IL5RA: variants seen among roughly 807,000 people sequenced by gnomAD.
IL5RA encodes interleukin 5 receptor subunit alpha.
IL5RA carries 49 observed loss-of-function variants against 50.0 expected under a neutral mutation model. The ratio of observed to expected loss-of-function variants is 0.98; its 90% confidence interval spans 0.78 to 1.24. IL5RA has a LOEUF of 1.24. IL5RA is among the 50% of genes most tolerant of loss of function. IL5RA has a pLI of 0.00. For synonymous variants in IL5RA, 202 were observed against 174.0 expected (o/e 1.16, Z -1.26); for missense variants, 600 against 500.4 (o/e 1.20, Z -1.90).
intron 9 of IL5RA, among the ~76,000 whole-genome samples, chr3:3,091,132 C>G (rs1478406064): frequency 6.6e-6 from 1 of 152,194 alleles, no homozygotes; most frequent in African/African-American, 2.4e-5. Flanking sequence ...TCTTTATACT[C>G]TATATCTGCT....
At chr3:3,085,075 G>GT (rs1702802280) in intron 9 of IL5RA, among the ~76,000 whole-genome samples, 1 of 152,250 alleles carries the variant, frequency 6.6e-6, no homozygotes, top group Non-Finnish European at 1.5e-5. Flanking sequence ...GACCACAGGC[G>GT]TGAGGCAGTC....
chr3:3,088,323 A>T (rs555978344), intron 9 of IL5RA, among the ~76,000 whole-genome samples: 1 of 152,234 alleles, frequency 6.6e-6, no homozygotes, highest in East Asian at 1.9e-4. Flanking sequence ...ACAGGTGAGG[A>T]TGCTAAGCCC....
At chr3:3,097,671 C>G (rs375984077) in intron 7 of IL5RA, among the ~76,000 whole-genome samples, 199 bp downstream of exon 7, 2 of 152,154 alleles carry the variant, frequency 1.3e-5, no homozygotes, top group African/African-American at 4.8e-5. Context: ...CAGCACAGCC[C>G]TCCATAACAC....
At chr3:3,083,562 T>C (rs1250177586) in intron 9 of IL5RA, among the ~76,000 whole-genome samples, 10 of 152,194 alleles carry the variant, frequency 6.6e-5, no homozygotes, top group Admixed American at 5.9e-4. Flanking sequence ...GAATTCCTCA[T>C]GGCAGTTTTC....
At chr3:3,091,423 A>G (rs547366926) in intron 9 of IL5RA, among the ~76,000 whole-genome samples, 45 of 152,160 alleles carry the variant, frequency 3.0e-4, no homozygotes, top group Non-Finnish European at 6.3e-4. Context: ...CATAGAACCA[A>G]ACAGACACAT....
intron 9 of IL5RA, among the ~76,000 whole-genome samples, chr3:3,091,197 G>A (rs746650988): frequency 7.2e-5 from 11 of 152,168 alleles, no homozygotes; most frequent in Non-Finnish European, 1.2e-4. Context: ...AGATTACACA[G>A]TTTTGGAATC....
chr3:3,094,786 C>A (rs1354637884), intron 8 of IL5RA, among the ~76,000 whole-genome samples: 8 of 151,984 alleles, frequency 5.3e-5, no homozygotes, highest in African/African-American at 1.9e-4. Flanking sequence ...GCAGTGGCGC[C>A]ATCTCAGCTT....
At chr3:3,073,125 A>G (rs561288031) in intron 11 of IL5RA, among the ~76,000 whole-genome samples, 1 of 152,338 alleles carries the variant, frequency 6.6e-6, no homozygotes, top group East Asian at 1.9e-4. Flanking sequence ...GCCAGCCTCC[A>G]TTCTCTACTT....
chr3:3,076,910 T>C (rs954004866), intron 9 of IL5RA, among the ~76,000 whole-genome samples: 2 of 152,240 alleles, frequency 1.3e-5, no homozygotes, highest in African/African-American at 4.8e-5. Context: ...CAAATATTTA[T>C]GGCATTCATT....
At chr3:3,071,552 AGTGTGTGTGTGTGTGTGTGTGT>A (rs55736610) in intron 11 of IL5RA, among the ~76,000 whole-genome samples, 26 of 136,040 alleles carry the variant, frequency 1.9e-4, no homozygotes, top group Non-Finnish European at 1.7e-4. Flanking sequence ...CTTCCTTCAC[AGTGTGTGTGTGTGTGTGTGTGT>A]GTGTGTGTGT....
intron 7 of IL5RA, 28 bp from the exon 8 acceptor site, chr3:3,095,472 T>TA: frequency 2.2e-6 from 3 of 1,345,722 alleles, no homozygotes; most frequent in Non-Finnish European, 2.9e-6. Flanking sequence ...AGATCAGTGA[T>TA]TTTTTTTTTA....
At chr3:3,079,089 T>A (rs1199117441) in intron 9 of IL5RA, among the ~76,000 whole-genome samples, 4 of 152,194 alleles carry the variant, frequency 2.6e-5, no homozygotes, top group African/African-American at 9.7e-5. Flanking sequence ...TTAATTTCGA[T>A]TGGCCCTCTC....
At chr3:3,090,358 C>T (rs1703035027) in intron 9 of IL5RA, 2 of 803,334 alleles carry the variant, frequency 2.5e-6, no homozygotes, top group South Asian at 1.7e-5. Flanking sequence ...CAGTCTTCTT[C>T]CCACCATCCC....
At chr3:3,102,193 A>G (rs111670011) in intron 4 of IL5RA, among the ~76,000 whole-genome samples, 3 of 152,340 alleles carry the variant, frequency 2.0e-5, no homozygotes, top group East Asian at 3.9e-4. Flanking sequence ...CACACCTAAT[A>G]TGTAGCAGGT....
intron 5 of IL5RA, among the ~76,000 whole-genome samples, chr3:3,098,901 G>A (rs1220771730): frequency 6.6e-6 from 1 of 152,198 alleles, no homozygotes. Flanking sequence ...TGAGGTTGAT[G>A]TCCGGCAACT....
intron 11 of IL5RA, among the ~76,000 whole-genome samples, chr3:3,074,534 T>C (rs530794516): frequency 6.6e-6 from 1 of 152,308 alleles, no homozygotes; most frequent in African/African-American, 2.4e-5. Flanking sequence ...CTTGGGAGGC[T>C]GAGGTGGGAG....
Position 3,102,827 on chromosome 3 carries a change from A to G in IL5RA, c.83-7T>C. On this transcript the variant is annotated splice_region_variant and splice_polypyrimidine_tract_variant and intron_variant, in intron 3 of 11. Transcript: ENST00000446632. ...ACAGGTGGGAGAAGTGAAACTGTTG[A>G]TTCAAAGAATAAAGAAACAACACAA... 6 of 1,594,184 alleles carry G rather than the reference A, an allele frequency of 3.8e-6. No homozygotes were observed. The highest frequency in any genetic ancestry group is 5.1e-6 in the Non-Finnish European group (6 of 1,173,774).
chr3:3,092,626 C>A lies in IL5RA; in HGVS notation c.856-264G>T, dbSNP rs558845920. On this transcript the variant is annotated intron_variant, in intron 8 of 11. Coordinates refer to ENST00000446632, the MANE Select transcript of IL5RA (RefSeq NM_175726.4). This position sits in a 1 kb window ranked among gnomAD's most constrained non-coding sequence, Gnocchi z 4.2. ...TCCAGGTGTTCCTATCCAGGCCCAG[C>A]TGATGTTTCCAGACTGAAAGACTGG... Among the ~76,000 whole-genome samples, 1 of 152,318 alleles carries A rather than the reference C, an allele frequency of 6.6e-6. No individual in the cohort carries two copies. Among genetic ancestry groups the A allele is most frequent in the African/African-American group, 2.4e-5 (1 of 41,572 alleles).
Position 3,102,708 on chromosome 3 carries a change from A to C in IL5RA, c.195T>G (p.Tyr65Ter), listed in dbSNP as rs924087055. 6.2e-7 allele frequency: 1 copy of C among 1,605,746 alleles called. No homozygotes were observed. Among genetic ancestry groups the C allele is most frequent in the South Asian group, 1.1e-5 (1 of 89,986 alleles). ...CTTTTGGAGCGTTTATTTTCACTTG[A>C]TATTCTAGATTAACATTCCTTTGCT... ...DQEQRNVNLE[Y>*]QVKINAPKED... Residue 65 changes from tyrosine to a stop codon, truncating the protein, a stop_gained, in exon 4 of 12, where the codon TAT becomes TAG. Transcript: ENST00000446632. LOFTEE classifies it high-confidence loss of function.
Sources: allele counts gnomAD v4.1 joint callset (sites outside exome capture counted in the v4.1 genomes callset), GRCh38; gene constraint gnomAD v4.1.1; non-coding constraint Gnocchi (gnomAD v3.1); transcripts MANE v1.5; gene names NCBI Gene and HGNC (gene_info 2026-07-23, HGNC 2026-07-21).